ERBB4: variants seen among roughly 807,000 people sequenced by gnomAD.
ERBB4 encodes the protein erb-b2 receptor tyrosine kinase 4, also known as receptor tyrosine-protein kinase erbB-4.
A neutral mutation model predicts 158.0 loss-of-function variants in ERBB4; 42 were observed. The observed-to-expected ratio is 0.27, with a 90% CI of 0.21 to 0.34. ERBB4 has a LOEUF of 0.34. Ranked by LOEUF, ERBB4 falls within the 10% of genes least tolerant of loss-of-function variation. The pLI is 1.00. For synonymous variants in ERBB4, 583 were observed against 558.7 expected (o/e 1.04, Z -0.61); for missense variants, 1,333 against 1,624.1 (o/e 0.82, Z 3.08).
chr2:212,199,535 A>C (rs2105898855), intron 1 of ERBB4, among the ~76,000 whole-genome samples: 1 of 152,296 alleles, frequency 6.6e-6, no homozygotes, highest in Non-Finnish European at 1.5e-5. Flanking sequence ...CTCTAAACCA[A>C]ATTACTCAGG....
Position 211,702,157 on chromosome 2 carries a change from G to C in ERBB4, c.1299C>G (p.Ser433=), listed in dbSNP as rs1559435083. Residue 433 remains serine, a synonymous_variant, in exon 12 of 28, where the codon TCC becomes TCG. Transcript: ENST00000342788. ...IGGRVLYSGL[S]LLILKQQGIT... is the part of the protein sequence containing the mutation. Reference sequence around the variant, plus strand: ...TGCCCTGTTGCTTGAGGATAAGCAAGGACAGGCCACTAAGGAGGGGGAAGT... The same window carrying C: ...TGCCCTGTTGCTTGAGGATAAGCAACGACAGGCCACTAAGGAGGGGGAAGT... 1 of 1,613,768 alleles carries C rather than the reference G, an allele frequency of 6.2e-7. No individual in the cohort carries two copies. Among genetic ancestry groups the C allele is most frequent in the East Asian group, 2.2e-5 (1 of 44,860 alleles).
intron 2 of ERBB4, among the ~76,000 whole-genome samples, chr2:211,976,296 T>C (rs143667491): frequency 1.3e-5 from 2 of 152,202 alleles, no homozygotes; most frequent in African/African-American, 4.8e-5. Context: ...ATTTACTTAA[T>C]TGTTCAGTGA....
chr2:212,300,318 G>T (rs898441449), intron 1 of ERBB4, among the ~76,000 whole-genome samples: 2 of 151,406 alleles, frequency 1.3e-5, no homozygotes, highest in African/African-American at 4.8e-5. Context: ...ACATGCTCTT[G>T]ATTTTAACAT....
At chr2:211,908,851 C>T (rs1337551555) in intron 3 of ERBB4, among the ~76,000 whole-genome samples, 1 of 151,372 alleles carries the variant, frequency 6.6e-6, no homozygotes. Context: ...TAGACTTGGC[C>T]TTTATTTATC....
intron 20 of ERBB4, among the ~76,000 whole-genome samples, chr2:211,479,108 T>C (rs955537091): frequency 6.6e-6 from 1 of 152,134 alleles, no homozygotes; most frequent in Admixed American, 6.6e-5. Context: ...CCTAGGAAAC[T>C]TAAAGCAAAT....
At chr2:211,942,108 G>A (rs944955183) in intron 3 of ERBB4, among the ~76,000 whole-genome samples, 8 of 152,030 alleles carry the variant, frequency 5.3e-5, no homozygotes, top group African/African-American at 1.9e-4. Flanking sequence ...GTCAATGACA[G>A]GTGACTTGTC....
At chr2:211,909,178 G>T (rs2079476996) in intron 3 of ERBB4, among the ~76,000 whole-genome samples, 1 of 151,608 alleles carries the variant, frequency 6.6e-6, no homozygotes, top group African/African-American at 2.4e-5. Context: ...ATATCCATAA[G>T]CTATTTCAAA....
At position 211,383,242 on chromosome 2, in the gene ERBB4, TAAAAAAAAAAA is replaced by T. The variant is rs878944435; in HGVS notation, c.*362_*372del. 1 of 202,500 alleles carries T rather than the reference TAAAAAAAAAAA, an allele frequency of 4.9e-6. No individual in the cohort carries two copies. The highest frequency in any genetic ancestry group is 9.3e-6 in the Non-Finnish European group (1 of 107,716). 12.5% of individuals were successfully genotyped at this position (202,500 alleles called of 1,614,324 possible). On this transcript the variant is annotated 3_prime_UTR_variant, in exon 28 of 28. Coordinates refer to ENST00000342788, the MANE Select transcript of ERBB4 (RefSeq NM_005235.3). ...GCATGGGTGTTTCAACCATCTGCTT[TAAAAAAAAAAA>T]AAAAAAAGAAGAGGAAGAAAGAAAC...
At chr2:211,880,274 T>C (rs977610126) in intron 3 of ERBB4, among the ~76,000 whole-genome samples, 1 of 152,168 alleles carries the variant, frequency 6.6e-6, no homozygotes, top group African/African-American at 2.4e-5. Context: ...TTACGCTAGA[T>C]CTTCTGTTTT....
intron 19 of ERBB4, among the ~76,000 whole-genome samples, chr2:211,563,321 T>G (rs1272227880): frequency 1.3e-5 from 2 of 152,166 alleles, no homozygotes; most frequent in African/African-American, 2.4e-5. Context: ...CAATAGTAAA[T>G]TTTTGCTTTT....
chr2:211,661,830 G>C (rs980228292), intron 15 of ERBB4, among the ~76,000 whole-genome samples: 2 of 151,118 alleles, frequency 1.3e-5, no homozygotes, highest in Non-Finnish European at 3.0e-5. Flanking sequence ...ACGAGGTCAG[G>C]AGATCGAGAC....
intron 1 of ERBB4, among the ~76,000 whole-genome samples, chr2:212,526,011 T>C (rs558769757): frequency 6.6e-6 from 1 of 152,052 alleles, no homozygotes; most frequent in Admixed American, 6.6e-5. Flanking sequence ...TCTGGAACAA[T>C]TGAAATATTT....
At chr2:212,484,923 C>T (rs1287060572) in intron 1 of ERBB4, among the ~76,000 whole-genome samples, 1 of 152,214 alleles carries the variant, frequency 6.6e-6, no homozygotes, top group African/African-American at 2.4e-5. Context: ...ACTCTTAGAA[C>T]ATGACTCGTT....
intron 4 of ERBB4, among the ~76,000 whole-genome samples, chr2:211,770,919 A>G (rs969346509): frequency 6.6e-6 from 1 of 152,196 alleles, no homozygotes; most frequent in Non-Finnish European, 1.5e-5. Context: ...ACAACAGAGA[A>G]CTAAATATTC....
chr2:211,913,717 T>G (rs912634109), intron 3 of ERBB4, among the ~76,000 whole-genome samples: 2 of 151,262 alleles, frequency 1.3e-5, no homozygotes, highest in African/African-American at 4.9e-5. Context: ...CAATAAAATT[T>G]GGTATAGTGT....
At chr2:212,404,301 T>C (rs2091286479) in intron 1 of ERBB4, among the ~76,000 whole-genome samples, 1 of 152,062 alleles carries the variant, frequency 6.6e-6, no homozygotes, top group African/African-American at 2.4e-5. Context: ...ATAAACTACT[T>C]ATTTTTCAAA....
chr2:211,812,037 A>C (rs1208324979), intron 3 of ERBB4, among the ~76,000 whole-genome samples: 1 of 152,170 alleles, frequency 6.6e-6, no homozygotes, highest in African/African-American at 2.4e-5. Context: ...TCAGCTCGTC[A>C]AAGTTATTCT....
intron 20 of ERBB4, among the ~76,000 whole-genome samples, chr2:211,520,911 T>C (rs2125637672): frequency 6.6e-6 from 1 of 152,274 alleles, no homozygotes; most frequent in South Asian, 2.1e-4. Flanking sequence ...GCATCATGAA[T>C]CATGCCCATA....
chr2:212,057,651 G>A (rs2077623019), intron 2 of ERBB4, among the ~76,000 whole-genome samples: 1 of 152,324 alleles, frequency 6.6e-6, no homozygotes, highest in South Asian at 2.1e-4. Context: ...CAACTACATG[G>A]AAACTGAACA....
Sources: allele counts gnomAD v4.1 joint callset (sites outside exome capture counted in the v4.1 genomes callset), GRCh38; gene constraint gnomAD v4.1.1; transcripts MANE v1.5; gene names NCBI Gene and HGNC (gene_info 2026-07-23, HGNC 2026-07-21).